The following RREB1 variants were observed in gnomAD, a reference collection of about 807,000 sequenced individuals.
The protein encoded by RREB1 is ras-responsive element-binding protein 1.
Under a neutral mutation model 117.8 loss-of-function variants are expected in RREB1, and 27 were observed. That is an observed-to-expected ratio of 0.23 (90% CI 0.17 to 0.32). RREB1 has a LOEUF of 0.32. RREB1 is among the 10% of genes least tolerant of loss of function. The pLI is 1.00. For synonymous variants in RREB1, 1,298 were observed against 1,026.7 expected (o/e 1.26, Z -5.05); for missense variants, 2,577 against 2,378.2 (o/e 1.08, Z -1.74).
Position 7,181,875 on chromosome 6 carries a change from T to C in RREB1, c.-37T>C. ...CAGCAATTTCCAATTTTCAGTTTTA[T>C]AGCAGAGGCTTCTTAGAAGCTTAAA... On this transcript the variant is annotated 5_prime_UTR_variant, in exon 4 of 13. Coordinates refer to ENST00000379938, the MANE Select transcript of RREB1 (RefSeq NM_001003699.4). 6.2e-7 allele frequency: 1 copy of C among 1,612,454 alleles called. No individual in the cohort carries two copies. The highest frequency in any genetic ancestry group is 8.5e-7 in the Non-Finnish European group (1 of 1,178,472).
intron 1 of RREB1, among the ~76,000 whole-genome samples, chr6:7,111,005 T>TA (rs1761114826): frequency 6.6e-6 from 1 of 152,162 alleles, no homozygotes; most frequent in Admixed American, 6.5e-5. Context: ...CCTAACTAGT[T>TA]ACATCATCCA....
intron 8 of RREB1, chr6:7,214,022 G>A (rs1342849217): frequency 6.6e-6 from 1 of 152,422 alleles, no homozygotes; most frequent in African/African-American, 2.4e-5. Flanking sequence ...CCTGGGTGAG[G>A]GACGAGGTTC....
chr6:7,116,427 C>G (rs1761402523), intron 1 of RREB1, among the ~76,000 whole-genome samples: 1 of 152,136 alleles, frequency 6.6e-6, no homozygotes, highest in Non-Finnish European at 1.5e-5. Flanking sequence ...ACTTTTACCC[C>G]CATCTGTCAA....
intron 4 of RREB1, chr6:7,184,882 A>T (rs573923278): frequency 2.3e-4 from 35 of 152,014 alleles, no homozygotes; most frequent in African/African-American, 7.7e-4. Context: ...AACTTTAAAA[A>T]TTTTGTGTAT....
intron 1 of RREB1, among the ~76,000 whole-genome samples, chr6:7,138,134 AAAAAG>A (rs1366249355): frequency 2.0e-5 from 3 of 152,224 alleles, no homozygotes; most frequent in Non-Finnish European, 2.9e-5. Context: ...TCTTTCAGAA[AAAAAG>A]AAAAGAAAGA....
intron 10 of RREB1, among the ~76,000 whole-genome samples, chr6:7,236,459 A>G (rs1768325795): frequency 1.3e-5 from 2 of 152,176 alleles, no homozygotes; most frequent in South Asian, 4.1e-4. Flanking sequence ...CACCTGGGAC[A>G]CCACTTGTAT....
intron 1 of RREB1, among the ~76,000 whole-genome samples, chr6:7,141,005 G>A (rs1436825734): frequency 6.6e-6 from 1 of 152,252 alleles, no homozygotes; most frequent in African/African-American, 2.4e-5. Flanking sequence ...TCTGAGTAGA[G>A]TTGTGTTCGC....
At position 7,248,931 on chromosome 6, in the gene RREB1, C is replaced by T; in HGVS notation, c.5192C>T (p.Thr1731Ile). ...SKRPAHPILA[T>I]ADGASQLVGM... ...AGGCCTGCCCACCCAATCCTGGCCA[C>T]AGCTGATGGCGCCTCCCAGCTCGTG... Residue 1731 changes from threonine to isoleucine, a missense_variant, in exon 13 of 13, where the codon ACA becomes ATA. Transcript: ENST00000379938. The T allele has an allele frequency of 1.3e-6, 2 of 1,513,408 alleles. No individual in the cohort carries two copies. Among genetic ancestry groups the T allele is most frequent in the African/African-American group, 1.4e-5 (1 of 72,290 alleles). 93.7% of individuals were successfully genotyped at this position (1,513,408 alleles called of 1,614,324 possible).
intron 10 of RREB1, among the ~76,000 whole-genome samples, chr6:7,238,173 T>G (rs1416210360): frequency 6.6e-6 from 1 of 152,278 alleles, no homozygotes; most frequent in Non-Finnish European, 1.5e-5. Flanking sequence ...TTAAAAGTAC[T>G]TTATTTTTAC....
chr6:7,181,719 C>T (rs1483469871), intron 3 of RREB1, 151 bp from the exon 4 acceptor site: 8 of 695,772 alleles, frequency 1.1e-5, no homozygotes, highest in Admixed American at 2.5e-5. Flanking sequence ...GCTTCCATCA[C>T]TCTGGGCGTG....
chr6:7,172,784 A>ACGGCTTTG (rs1764287281), intron 1 of RREB1, among the ~76,000 whole-genome samples: 1 of 152,064 alleles, frequency 6.6e-6, no homozygotes, highest in Non-Finnish European at 1.5e-5. Context: ...CTGGAACTCA[A>ACGGCTTTG]AGCCGTCATC....
At chr6:7,126,308 C>T (rs1296555721) in intron 1 of RREB1, among the ~76,000 whole-genome samples, 1 of 146,996 alleles carries the variant, frequency 6.8e-6, no homozygotes, top group Non-Finnish European at 1.5e-5. Context: ...CCTCGATTCC[C>T]CCCCGACCCA....
chr6:7,144,802 C>G (rs894459888), intron 1 of RREB1, among the ~76,000 whole-genome samples: 1 of 152,196 alleles, frequency 6.6e-6, no homozygotes. Flanking sequence ...CTTACAGCAA[C>G]CAACTCTATG....
intron 1 of RREB1, among the ~76,000 whole-genome samples, chr6:7,116,344 T>A (rs1325829206): frequency 6.6e-6 from 1 of 152,224 alleles, no homozygotes; most frequent in Non-Finnish European, 1.5e-5. Context: ...AATAAAAATT[T>A]TGTACTCTTT....
At chr6:7,221,971 A>G (rs1220007446) in intron 8 of RREB1, among the ~76,000 whole-genome samples, 1 of 152,194 alleles carries the variant, frequency 6.6e-6, no homozygotes, top group Non-Finnish European at 1.5e-5. Context: ...AGTACTTTGC[A>G]GTTTTCAAAG....
rs1426412703 is a variant in RREB1 at position 7,248,764 on chromosome 6, G to A, written c.5025G>A (p.Glu1675=). 6 of 1,614,094 alleles carry A rather than the reference G, an allele frequency of 3.7e-6. No homozygotes were observed. The highest frequency in any genetic ancestry group is 1.3e-5 in the African/African-American group (1 of 75,060). The change falls in exon 13 of 13, where the codon GAG becomes GAA. Residue 1675 remains glutamate, a synonymous_variant. Coordinates refer to ENST00000379938, the MANE Select transcript of RREB1 (RefSeq NM_001003699.4). ...TGGCTGTCACCCGGAGCCGGAAGGA[G>A]GGCTTGGCCAGTGCCACCAAGGACT... ...NHMAVTRSRK[E]GLASATKDCS... is the part of the protein sequence containing the mutation.
intron 1 of RREB1, among the ~76,000 whole-genome samples, chr6:7,132,908 G>T (rs1762211297): frequency 6.6e-6 from 1 of 152,102 alleles, no homozygotes. Flanking sequence ...AAGGAAACTT[G>T]AAAATTTGTG....
At position 7,229,188 on chromosome 6, in the gene RREB1, C is replaced by G; in HGVS notation, c.1089C>G (p.Phe363Leu). Residue 363 changes from phenylalanine to leucine, a missense_variant, in exon 10 of 13, where the codon TTC becomes TTG. Coordinates refer to ENST00000379938, the MANE Select transcript of RREB1 (RefSeq NM_001003699.4). The surrounding 1 kb of genome is among the most constrained non-coding windows in gnomAD (Gnocchi z 4.5). The part of the protein sequence containing the change: ...LPGDALDQKG[F>L]LALLGLQHTK... ...GTGACGCCCTGGACCAGAAGGGCTTCCTGGCCTTGCTTGGCCTGCAGCACA... is the reference window on the plus strand; with the variant it reads ...GTGACGCCCTGGACCAGAAGGGCTTGCTGGCCTTGCTTGGCCTGCAGCACA... 6.2e-7 allele frequency: 1 copy of G among 1,610,814 alleles called. No individual in the cohort carries two copies. The highest frequency in any genetic ancestry group is 8.5e-7 in the Non-Finnish European group (1 of 1,177,566).
At chr6:7,220,928 G>A (rs187621550) in intron 8 of RREB1, among the ~76,000 whole-genome samples, 2 of 152,306 alleles carry the variant, frequency 1.3e-5, no homozygotes, top group African/African-American at 4.8e-5. Context: ...GCCTGCAGCC[G>A]GCTTTGCATC....
Sources: allele counts gnomAD v4.1 joint callset (sites outside exome capture counted in the v4.1 genomes callset), GRCh38; gene constraint gnomAD v4.1.1; non-coding constraint Gnocchi (gnomAD v3.1); transcripts MANE v1.5; gene names NCBI Gene and HGNC (gene_info 2026-07-23, HGNC 2026-07-21).